PCLO: variants seen among roughly 807,000 people sequenced by gnomAD.
The protein encoded by PCLO is piccolo presynaptic cytomatrix protein, also known as protein piccolo.
In PCLO, 82 loss-of-function variants were observed where a neutral mutation model predicts 427.5. That is an observed-to-expected ratio of 0.19 (90% CI 0.16 to 0.23). The LOEUF is 0.23. PCLO is among the 10% of genes least tolerant of loss of function. The pLI is 1.00. For synonymous variants in PCLO, 2,357 were observed against 2,155.4 expected (o/e 1.09, Z -2.59); for missense variants, 6,239 against 6,115.9 (o/e 1.02, Z -0.67).
At chr7:82,978,605 T>A (rs1275538145) in intron 3 of PCLO, among the ~76,000 whole-genome samples, 1 of 151,444 alleles carries the variant, frequency 6.6e-6, no homozygotes, top group Non-Finnish European at 1.5e-5. Context: ...TATATTCATA[T>A]GTATTATATG....
chr7:82,946,720 C>G (rs571572343), intron 6 of PCLO, among the ~76,000 whole-genome samples: 1 of 152,218 alleles, frequency 6.6e-6, no homozygotes, highest in Admixed American at 6.5e-5. Context: ...ATGAAACAAG[C>G]AGAGATCACA....
intron 3 of PCLO, among the ~76,000 whole-genome samples, chr7:83,124,796 C>T (rs866767979): frequency 5.3e-5 from 8 of 152,292 alleles, no homozygotes; most frequent in African/African-American, 1.7e-4. Flanking sequence ...TCCAGGGTCT[C>T]CCTCTGTTGC....
chr7:82,994,529 C>G (rs1397764632), intron 3 of PCLO, among the ~76,000 whole-genome samples: 1 of 151,688 alleles, frequency 6.6e-6, no homozygotes, highest in Non-Finnish European at 1.5e-5. Context: ...AGTTAAGAGA[C>G]CATCAAACAG....
intron 3 of PCLO, among the ~76,000 whole-genome samples, chr7:83,000,334 C>T (rs373373507): frequency 3.3e-5 from 5 of 151,438 alleles, no homozygotes; most frequent in African/African-American, 1.2e-4. Flanking sequence ...GAATTCTATA[C>T]TCTGAAACTA....
chr7:82,767,883 A>C (rs933196548), intron 22 of PCLO, among the ~76,000 whole-genome samples: 8 of 152,092 alleles, frequency 5.3e-5, no homozygotes, highest in Non-Finnish European at 1.0e-4. Context: ...TCTGAAAGAT[A>C]TATCAATGTA....
At chr7:82,909,494 C>T (rs140984001) in intron 7 of PCLO, among the ~76,000 whole-genome samples, 3 of 152,062 alleles carry the variant, frequency 2.0e-5, no homozygotes, top group Admixed American at 1.3e-4. Context: ...ATGCAACAAA[C>T]CTGCACATTC....
At chr7:82,897,364 A>G (rs1039816567) in intron 9 of PCLO, among the ~76,000 whole-genome samples, 1 of 151,598 alleles carries the variant, frequency 6.6e-6, no homozygotes, top group Non-Finnish European at 1.5e-5. Flanking sequence ...ACAGGTTAAA[A>G]GTTAAAGGAT....
chr7:82,785,731 G>T (rs971443285), intron 22 of PCLO, among the ~76,000 whole-genome samples: 1 of 152,084 alleles, frequency 6.6e-6, no homozygotes, highest in Non-Finnish European at 1.5e-5. Flanking sequence ...ATGAAAAGGT[G>T]TTTTCCAGGA....
At chr7:82,867,844 A>G (rs113306879) in intron 10 of PCLO, among the ~76,000 whole-genome samples, 15 of 152,308 alleles carry the variant, frequency 9.8e-5, no homozygotes, top group African/African-American at 3.6e-4. Context: ...TGGATAAAGA[A>G]GAGAAATATG....
At chr7:83,064,258 T>C (rs907134901) in intron 3 of PCLO, among the ~76,000 whole-genome samples, 1 of 151,934 alleles carries the variant, frequency 6.6e-6, no homozygotes, top group African/African-American at 2.4e-5. Flanking sequence ...TGAGAGATGA[T>C]GTACAATATC....
intron 10 of PCLO, among the ~76,000 whole-genome samples, chr7:82,862,587 A>G (rs868466791): frequency 9.5e-5 from 14 of 147,150 alleles, no homozygotes; most frequent in African/African-American, 3.0e-4. Context: ...AAAAAAAAAA[A>G]GAATTGGAAG....
At chr7:83,019,335 A>C (rs566207021) in intron 3 of PCLO, among the ~76,000 whole-genome samples, 7 of 152,050 alleles carry the variant, frequency 4.6e-5, no homozygotes, top group African/African-American at 1.7e-4. Flanking sequence ...TTTTGTTTTA[A>C]TTTTAAACCT....
chr7:82,848,826 G>C (rs572147633), intron 10 of PCLO: 3 of 310,866 alleles, frequency 9.7e-6, no homozygotes, highest in African/African-American at 4.3e-5. Context: ...CCATAAAAAG[G>C]CTCACAATAA....
intron 3 of PCLO, among the ~76,000 whole-genome samples, chr7:83,120,424 T>G (rs1202406852): frequency 8.4e-6 from 1 of 119,488 alleles, no homozygotes; most frequent in East Asian, 2.9e-4. Context: ...AAAAAAAAGT[T>G]TATTCAAGGA....
At chr7:83,055,393 C>A (rs922672522) in intron 3 of PCLO, among the ~76,000 whole-genome samples, 1 of 152,070 alleles carries the variant, frequency 6.6e-6, no homozygotes, top group East Asian at 1.9e-4. Flanking sequence ...AAAGTGATGA[C>A]CTGTTATTAT....
At chr7:83,082,293 G>A (rs73389611) in intron 3 of PCLO, among the ~76,000 whole-genome samples, 3,687 of 151,480 alleles carry the variant, frequency 0.024, 161 homozygotes, top group African/African-American at 0.085. Context: ...TACATAGAAC[G>A]TGTGTAAAAA....
chr7:82,844,247 T>G (rs1378463705), intron 13 of PCLO, among the ~76,000 whole-genome samples: 2 of 152,164 alleles, frequency 1.3e-5, no homozygotes, highest in African/African-American at 4.8e-5. Context: ...ATAAAGTAAT[T>G]ATTCAAAATT....
At chr7:82,841,396 C>A in intron 14 of PCLO, 63 bp downstream of exon 14, 1 of 965,588 alleles carries the variant, frequency 1.0e-6, no homozygotes, top group Non-Finnish European at 1.7e-6. Flanking sequence ...ACAATTTCAA[C>A]AAACCAGTGG....
chr7:83,155,990 C>G lies in PCLO; in HGVS notation c.651G>C (p.Lys217Asn), dbSNP rs928040757. 1 of 1,613,420 alleles carries G rather than the reference C, an allele frequency of 6.2e-7. No homozygotes were observed. The highest frequency in any genetic ancestry group is 1.3e-5 in the African/African-American group (1 of 74,772). Residue 217 changes from lysine (K) to asparagine (N), a missense_variant, in exon 2 of 25, where the codon AAG (lysine) becomes AAC (asparagine). This residue lies in a region of PCLO where 4,677 missense variants were observed against 4,468.4 expected (regional missense o/e 1.05). Transcript: ENST00000333891. Reference protein sequence around the residue: ...IKPPLQQQPPKPIPKQQGPGR... With the variant: ...IKPPLQQQPPNPIPKQQGPGR... ...CAGGTCCTTGCTGCTTAGGAATCGG[C>G]TTGGGTGGCTGTTGTTGTAAAGGAG...
Sources: gnomAD v4.1 joint callset for allele counts (sites outside exome capture counted in the v4.1 genomes callset) on GRCh38, gnomAD v4.1.1 for gene constraint, gnomAD v4.1.1 regional missense constraint, MANE v1.5 for transcripts, NCBI Gene and HGNC (gene_info 2026-07-23, HGNC 2026-07-21) for gene names.